The following SLC25A41 variants were observed in gnomAD, a reference collection of about 807,000 sequenced individuals.
SLC25A41 encodes the protein solute carrier family 25 member 41, also known as mitochondrial carrier protein SCaMC-3L.
SLC25A41 carries 35 observed loss-of-function variants against 34.7 expected under a neutral mutation model. The observed-to-expected ratio is 1.01, with a 90% CI of 0.77 to 1.34. The LOEUF (loss-of-function observed/expected upper bound fraction) is 1.34, where lower values mean the gene tolerates loss of function less well. Among genes scored for constraint, SLC25A41 ranks in the 40% most tolerant of loss-of-function variants. SLC25A41 has a pLI of 0.00. For missense variants in SLC25A41, 492 were observed against 489.8 expected, an observed-to-expected ratio of 1.00 and a Z score of -0.04; for synonymous variants, 190 against 209.9, an observed-to-expected ratio of 0.91 and a Z score of 0.82.
rs768179046 is a variant in SLC25A41 at position 6,429,806 on chromosome 19, T to G, written c.542A>C (p.Gln181Pro). 1 of 1,611,132 alleles carries G rather than the reference T, an allele frequency of 6.2e-7. No individual in the cohort carries two copies. The highest frequency in any genetic ancestry group is 8.5e-7 in the Non-Finnish European group (1 of 1,178,948). ...EQCKNYFCGI[Q>P]GSPPFQERLL... ...ACGCTCCTGGAAGGGCGGGGACCCT[T>G]GTATTCCACAGAAGTAATTCTTGCA... The change falls in exon 4 of 7, where the codon CAA becomes CCA. Residue 181 changes from glutamine (Q) to proline (P), a missense_variant. Transcript: ENST00000321510.
At chr19:6,430,287 C>G (rs572074426) in intron 2 of SLC25A41, 126 bp from the exon 3 acceptor site, 3 of 1,112,916 alleles carry the variant, frequency 2.7e-6, no homozygotes, top group Non-Finnish European at 3.7e-6. Flanking sequence ...CATCCCATCC[C>G]CATTCCTTCT....
chr19:6,429,061 TATATATATATATA>T (rs1189094403), intron 4 of SLC25A41, among the ~76,000 whole-genome samples: 248 of 8,494 alleles, frequency 0.029, 50 homozygotes, highest in African/African-American at 0.092. Context: ...ATATATATGT[TATATATATATATA>T]ATATATATAT....
chr19:6,432,654 G>A (rs60565514), intron 1 of SLC25A41, among the ~76,000 whole-genome samples: 3,719 of 150,564 alleles, frequency 0.025, 170 homozygotes, highest in African/African-American at 0.087. Context: ...ACAGTGGTGC[G>A]ATCTTGGCTC....
upstream of SLC25A41, among the ~76,000 whole-genome samples, chr19:6,435,402 G>A (rs529318051): frequency 6.7e-5 from 10 of 149,764 alleles, no homozygotes; most frequent in Non-Finnish European, 1.3e-4. Flanking sequence ...ACACAGGTGC[G>A]GACACCACGC....
chr19:6,429,096 TACATATATATATA>T (rs1439801415), intron 4 of SLC25A41, among the ~76,000 whole-genome samples: 4 of 16,470 alleles, frequency 2.4e-4, no homozygotes, highest in African/African-American at 3.6e-4. Flanking sequence ...ATATATATGT[TACATATATATATA>T]ATATATATAT....
rs2092249939 is a variant in SLC25A41, at chr19:6,427,618, TG to T, written c.625-118del. ...AATGAGGCTCAGGAAGGCAAAGAGC[TG>T]GGTTTCAGACCCGGATCTGTCAGAT... On this transcript the variant is annotated intron_variant, in intron 4 of 6. Coordinates refer to ENST00000321510, the MANE Select transcript of SLC25A41 (RefSeq NM_173637.4). This position sits in a 1 kb window ranked among gnomAD's most constrained non-coding sequence, Gnocchi z 4.9. 3 of 1,192,076 alleles carry T rather than the reference TG, an allele frequency of 2.5e-6. No homozygotes were observed. Among genetic ancestry groups the T allele is most frequent in the South Asian group, 3.7e-5 (2 of 53,862 alleles). 73.8% of individuals were successfully genotyped at this position (1,192,076 alleles called of 1,614,324 possible).
chr19:6,430,186 G>A (rs752479258), intron 2 of SLC25A41, 25 bp from the exon 3 acceptor site: 12 of 1,596,710 alleles, frequency 7.5e-6, no homozygotes, highest in Non-Finnish European at 9.4e-6. Flanking sequence ...GACCCTGGAG[G>A]AGCCCCTGCT....
In SLC25A41 at chr19:6,429,174, TAA is replaced by T. The variant is rs369850582; in HGVS notation, c.624+548_624+549del. Among the ~76,000 whole-genome samples, 307 of 63,010 alleles carry T rather than the reference TAA, an allele frequency of 4.9e-3. 66 individuals are homozygous for T. Among genetic ancestry groups the T allele is most frequent in the South Asian group, 0.01 (27 of 2,582 alleles). 41.3% of individuals were successfully genotyped at this position (63,010 alleles called of 152,430 possible). ...ATATATTATATATATAATATATATA[TAA>T]TATATATATGTTATATATATAATAT... On this transcript the variant is annotated intron_variant, in intron 4 of 6. Transcript: ENST00000321510.
chr19:6,427,080 G>T lies in SLC25A41; in HGVS notation c.940+23C>A. The T allele has an allele frequency of 1.9e-6, 3 of 1,579,872 alleles. No individual in the cohort carries two copies. The highest frequency in any genetic ancestry group is 2.6e-6 in the Non-Finnish European group (3 of 1,163,906). On this transcript the variant is annotated intron_variant, in intron 6 of 6. Transcript: ENST00000321510. This position sits in a 1 kb window ranked among gnomAD's most constrained non-coding sequence, Gnocchi z 4.9. ...GTGGGGCGGGGAAGGGGCATGCGTGGTGGCCGCTGGGGACAGGCTGACCTT... is the reference window on the plus strand; with the variant it reads ...GTGGGGCGGGGAAGGGGCATGCGTGTTGGCCGCTGGGGACAGGCTGACCTT...
In SLC25A41 at chr19:6,427,173, C is replaced by T. The variant is rs763731120; in HGVS notation, c.870G>A (p.Thr290=). The T allele has an allele frequency of 5.6e-6, 9 of 1,611,766 alleles. No individual in the cohort carries two copies. Among genetic ancestry groups the T allele is most frequent in the African/African-American group, 4.0e-5 (3 of 74,906 alleles). Residue 290 remains threonine, a synonymous_variant, in exon 6 of 7, where the codon ACG becomes ACA. Transcript: ENST00000321510. The surrounding 1 kb of genome is among the most constrained non-coding windows in gnomAD (Gnocchi z 4.9). The stretch of plus-strand genomic sequence containing the variant: ...CCATCTGGCCACAGGTCGTGGATAG[C>T]GTCACAGACGACAGACTGACCAGGC... ...PSGLVSLSSV[T]LSTTCGQMAS...
In SLC25A41 at chr19:6,432,043, A is replaced by G. The variant is rs892376521; in HGVS notation, c.363+6T>C. On this transcript the variant is annotated splice_donor_region_variant and intron_variant, in intron 2 of 6. Coordinates refer to ENST00000321510, the MANE Select transcript of SLC25A41 (RefSeq NM_173637.4). ...GGGTCCCGTCCTCCCCCCAACCCAC[A>G]CAAACCTGCATGTACACCTTGGCTC... 1.2e-6 allele frequency: 2 copies of G among 1,608,072 alleles called. No homozygotes were observed. The highest frequency in any genetic ancestry group is 1.3e-5 in the African/African-American group (1 of 74,786).
Position 6,427,231 on chromosome 19 carries a change from A to T in SLC25A41, c.812T>A (p.Val271Glu), listed in dbSNP as rs748496640. 6.2e-7 allele frequency: 1 copy of T among 1,612,682 alleles called. No individual in the cohort carries two copies. Among genetic ancestry groups the T allele is most frequent in the Non-Finnish European group, 8.5e-7 (1 of 1,179,798 alleles). Reference sequence around the variant, plus strand: ...GTCCCCCATATCCCTGCCTGACTTCACCCAGAAGCACTGGAGCATCTGCAA... The same window carrying T: ...GTCCCCCATATCCCTGCCTGACTTCTCCCAGAAGCACTGGAGCATCTGCAA... Reference protein sequence around the residue: ...AVYEMLQCFWVKSGRDMGDPS... With the variant: ...AVYEMLQCFWEKSGRDMGDPS... The change falls in exon 6 of 7, where the codon GTG becomes GAG. Residue 271 changes from valine to glutamate, a missense_variant. By Grantham distance (121) the Val-to-Glu change is moderately radical (BLOSUM62 -2). Coordinates refer to ENST00000321510, the MANE Select transcript of SLC25A41 (RefSeq NM_173637.4). The surrounding 1 kb of genome is among the most constrained non-coding windows in gnomAD (Gnocchi z 4.9).
At chr19:6,431,981 G>T (rs2092287232) in intron 2 of SLC25A41, 68 bp downstream of exon 2, 3 of 1,551,320 alleles carry the variant, frequency 1.9e-6, no homozygotes, top group South Asian at 1.2e-5. Flanking sequence ...AACTCCATCT[G>T]TCCTCACCCC....
At chr19:6,430,968 C>T (rs543858210) in intron 2 of SLC25A41, among the ~76,000 whole-genome samples, 1 of 151,664 alleles carries the variant, frequency 6.6e-6, no homozygotes, top group Admixed American at 6.6e-5. Flanking sequence ...TGCGTGCTAC[C>T]ATGGCAGGCT....
intron 4 of SLC25A41, among the ~76,000 whole-genome samples, chr19:6,429,100 T>TATATATAATATATATGTTAC (rs1555730107): frequency 0.074 from 263 of 3,532 alleles, 73 homozygotes; most frequent in African/African-American, 0.14. Context: ...ATATGTTACA[T>TATATATAATATATATGTTAC]ATATATATAA....
At position 6,427,408 on chromosome 19, in the gene SLC25A41, C is replaced by T. The variant is rs372757945; in HGVS notation, c.718G>A (p.Ala240Thr). 65 of 1,610,526 alleles carry T rather than the reference C, an allele frequency of 4.0e-5. 2 individuals are homozygous for T. Among genetic ancestry groups the T allele is most frequent in the African/African-American group, 1.2e-4 (9 of 74,886 alleles). The change falls in exon 5 of 7, where the codon GCC becomes ACC. Residue 240 changes from alanine (A) to threonine (T), a missense_variant. Physicochemically the swap from Ala to Thr is moderately conservative, Grantham distance 58. Coordinates refer to ENST00000321510, the MANE Select transcript of SLC25A41 (RefSeq NM_173637.4). The surrounding 1 kb of genome is among the most constrained non-coding windows in gnomAD (Gnocchi z 4.9). ...TTGGGCAGGTAGCCGCGGTAAAGGG[C>T]GCGGGTGCCCTCTCGCTGCAAGATC... ...RQILQREGTR[A>T]LYRGYLPNML... is the part of the protein sequence containing the mutation.
At chr19:6,429,068 ATATATAATATATATAT>A in intron 4 of SLC25A41, among the ~76,000 whole-genome samples, 1 of 65,472 alleles carries the variant, frequency 1.5e-5, no homozygotes, top group African/African-American at 8.0e-5. Flanking sequence ...TGTTATATAT[ATATATAATATATATAT>A]TATATATATG....
rs1323770174 is a variant in SLC25A41 at position 6,429,851 on chromosome 19, GGTGAGAGAGAA to G, written c.517-31_517-21del. On this transcript the variant is annotated intron_variant, in intron 3 of 6. Coordinates refer to ENST00000321510, the MANE Select transcript of SLC25A41 (RefSeq NM_173637.4). Reference sequence around the variant, plus strand: ...CTTGCACTGGGAGAGGAGAGAGGAGGGTGAGAGAGAAGTCAGCCACCCTCCGACACAAAACC... The same window carrying G: ...CTTGCACTGGGAGAGGAGAGAGGAGGGTCAGCCACCCTCCGACACAAAACC... 5.0e-6 allele frequency: 8 copies of G among 1,608,264 alleles called. No individual in the cohort carries two copies. Among genetic ancestry groups the G allele is most frequent in the East Asian group, 2.2e-5 (1 of 44,840 alleles).
In SLC25A41 at chr19:6,429,187, TTA is replaced by T. The variant is rs1190103092; in HGVS notation, c.624+535_624+536del. 4.8e-3 allele frequency among the ~76,000 whole-genome samples: 293 copies of T among 61,494 alleles called. 41 individuals carry two copies. Among genetic ancestry groups the T allele is most frequent in the South Asian group, 0.013 (24 of 1,778 alleles). 40.3% of individuals were successfully genotyped at this position (61,494 alleles called of 152,430 possible). A position where few individuals can be genotyped will look rare whatever the true frequency, so the allele number is the denominator to read the frequency against. On this transcript the variant is annotated intron_variant, in intron 4 of 6. Coordinates refer to ENST00000321510, the MANE Select transcript of SLC25A41 (RefSeq NM_173637.4). The stretch of plus-strand genomic sequence containing the variant: ...ATAATATATATATAATATATATATG[TTA>T]TATATATAATATATATGTTGTATAT...
Sources: gnomAD v4.1 joint callset for allele counts (sites outside exome capture counted in the v4.1 genomes callset) on GRCh38, gnomAD v4.1.1 for gene constraint, Gnocchi (gnomAD v3.1) non-coding constraint, MANE v1.5 for transcripts, NCBI Gene and HGNC (gene_info 2026-07-23, HGNC 2026-07-21) for gene names.